SETD4: variants seen among roughly 807,000 people sequenced by gnomAD.
SETD4 encodes SET domain containing 4.
In SETD4, 46 loss-of-function variants were observed where a neutral mutation model predicts 58.3. That is an observed-to-expected ratio of 0.79 (90% confidence interval 0.62 to 1.01). The LOEUF (loss-of-function observed/expected upper bound fraction) is 1.01, where lower values mean the gene tolerates loss of function less well. Ranked by LOEUF, SETD4 falls within the 50% of genes least tolerant of loss-of-function variation. The probability of loss-of-function intolerance (pLI) is 0.00; values close to 1 mark genes in which losing one functional copy is unlikely to be tolerated. For missense variants in SETD4, 490 were observed against 523.3 expected (o/e 0.94, Z 0.62); for synonymous variants, 190 against 202.6 (o/e 0.94, Z 0.53).
rs2065120741 is a variant in SETD4 at position 36,058,731 on chromosome 21, A to C, written c.73+85T>G. ...AGAATCCGTCTCAGAAAAAAGAAAGAAAGAAAGAAAAGCTACGTATGAACA... is the reference window on the plus strand; with the variant it reads ...AGAATCCGTCTCAGAAAAAAGAAAGCAAGAAAGAAAAGCTACGTATGAACA... On this transcript the variant is annotated intron_variant, in intron 2 of 11. Coordinates refer to ENST00000332131, the MANE Select transcript of SETD4 (RefSeq NM_017438.5). 18 of 1,433,560 alleles carry C rather than the reference A, an allele frequency of 1.3e-5. No individual in the cohort carries two copies. The East Asian group carries it at 4.4e-4, about 35-fold the overall frequency. The allele number at this position is 1,433,560 out of a possible 1,614,324, so 88.8% of individuals were successfully genotyped here.
intron 6 of SETD4, among the ~76,000 whole-genome samples, chr21:36,045,325 C>T (rs762237751): frequency 1.5e-4 from 23 of 152,264 alleles, no homozygotes; most frequent in Non-Finnish European, 3.2e-4. Context: ...TGGGAAAGAC[C>T]GGACAGAGGA....
At chr21:36,050,646 A>G in intron 4 of SETD4, 2 of 1,607,316 alleles carry the variant, frequency 1.2e-6, no homozygotes, top group Middle Eastern at 1.7e-4. Flanking sequence ...TTTTGCTAAA[A>G]TGATTGATGA....
At chr21:36,054,020 G>A (rs952684646) in intron 3 of SETD4, among the ~76,000 whole-genome samples, 15 of 152,136 alleles carry the variant, frequency 9.9e-5, no homozygotes, top group African/African-American at 3.6e-4. Flanking sequence ...ACCAGACTCA[G>A]CTCTCCCAAG....
At chr21:36,041,987 C>G in intron 7 of SETD4, 99 bp from the exon 8 acceptor site, 1 of 618,040 alleles carries the variant, frequency 1.6e-6, no homozygotes, top group Non-Finnish European at 2.8e-6. Flanking sequence ...TTTAGCAACC[C>G]AGACATGCAT....
chr21:36,056,853 T>C (rs376215805), intron 3 of SETD4, among the ~76,000 whole-genome samples: 5 of 152,154 alleles, frequency 3.3e-5, no homozygotes, highest in African/African-American at 1.2e-4. Flanking sequence ...CCACCACGCC[T>C]GGCAAAATGT....
At chr21:36,058,691 C>G (rs1190781858) in intron 2 of SETD4, 125 bp downstream of exon 2, 6 of 1,135,648 alleles carry the variant, frequency 5.3e-6, no homozygotes, top group Non-Finnish European at 7.4e-6. Flanking sequence ...GCACTCCAGC[C>G]TGGGTGACAG....
Position 36,048,340 on chromosome 21 carries a change from C to A in SETD4, c.264G>T (p.Val88=), listed in dbSNP as rs772448817. The A allele has an allele frequency of 3.1e-6, 5 of 1,614,116 alleles. No individual in the cohort carries two copies. Among genetic ancestry groups the A allele is most frequent in the Non-Finnish European group, 4.2e-6 (5 of 1,180,016 alleles). Residue 88 remains valine (V), a synonymous_variant, in exon 5 of 12, where the codon GTG becomes GTT. Coordinates refer to ENST00000332131, the MANE Select transcript of SETD4 (RefSeq NM_017438.5). The part of the protein sequence containing the change: ...PESCLLTTDT[V]IRSYLGAYIT... ...TGTATGCCCCTAAGTAGCTTCGAAT[C>A]ACTGTGTCCGTGGTGAGCAGGCAAC...
At chr21:36,051,267 G>A in intron 4 of SETD4, 1 of 1,598,478 alleles carries the variant, frequency 6.3e-7, no homozygotes, top group Non-Finnish European at 8.6e-7. Flanking sequence ...TTCCAGCTCT[G>A]TTGACAGTGA....
chr21:36,036,085 C>G lies in SETD4; in HGVS notation c.*32G>C. 1 of 1,614,112 alleles carries G rather than the reference C, an allele frequency of 6.2e-7. No homozygotes were observed. Among genetic ancestry groups the G allele is most frequent in the Middle Eastern group, 1.6e-4 (1 of 6,062 alleles). ...TCTAAAATGTGTGACTAACACCCAC[C>G]AGAGGAGGTGACCAAATGCGCTTCG... On this transcript the variant is annotated splice_region_variant and 3_prime_UTR_variant, in exon 11 of 12. Transcript: ENST00000332131.
intron 10 of SETD4, 103 bp from the exon 11 acceptor site, chr21:36,036,354 G>T: frequency 8.7e-7 from 1 of 1,149,862 alleles, no homozygotes. Context: ...TGGTTCAGCA[G>T]CATGAAGTAC....
Position 36,038,228 on chromosome 21 carries a change from C to T in SETD4, c.1110G>A (p.Thr370=), listed in dbSNP as rs752063984. ...KVLLGEVISD[T]NEKTSLDIAQ... ...CTATGTCCAAACTTGTCTTCTCATT[C>T]GTATCTGAAATTACCTCCCCAAGAA... is the stretch of plus-strand genomic sequence containing the variant. The change falls in exon 10 of 12, where the codon ACG becomes ACA. Residue 370 remains threonine (T), a synonymous_variant. Coordinates refer to ENST00000332131, the MANE Select transcript of SETD4 (RefSeq NM_017438.5). 39 of 1,613,906 alleles carry T rather than the reference C, an allele frequency of 2.4e-5. No homozygotes were observed. Among genetic ancestry groups the T allele is most frequent in the Admixed American group, 2.0e-4 (12 of 59,978 alleles).
At chr21:36,058,787 C>T (rs1396249614) in intron 2 of SETD4, 29 bp downstream of exon 2, 1 of 1,564,782 alleles carries the variant, frequency 6.4e-7, no homozygotes, top group East Asian at 2.3e-5. Context: ...TTTCTTTTTT[C>T]ATTACTGGTA....
chr21:36,053,498 A>G, intron 4 of SETD4, 85 bp downstream of exon 4: 2 of 1,375,724 alleles, frequency 1.5e-6, no homozygotes, highest in Non-Finnish European at 2.1e-6. Flanking sequence ...TATGTCTGAA[A>G]TTTTTTTAAT....
At chr21:36,037,451 A>C (rs1568898528) in intron 10 of SETD4, among the ~76,000 whole-genome samples, 1 of 151,844 alleles carries the variant, frequency 6.6e-6, no homozygotes, top group Non-Finnish European at 1.5e-5. Context: ...CTAAAAATAC[A>C]AAAATTAGCC....
At position 36,045,978 on chromosome 21, in the gene SETD4, C is replaced by T; in HGVS notation, c.330G>A (p.Leu110=). 6.2e-7 allele frequency: 1 copy of T among 1,613,962 alleles called. No individual in the cohort carries two copies. The highest frequency in any genetic ancestry group is 8.5e-7 in the Non-Finnish European group (1 of 1,179,990). The change falls in exon 6 of 12, where the codon CTG becomes CTA. Residue 110 remains leucine (L), a synonymous_variant. Transcript: ENST00000332131. The stretch of plus-strand genomic sequence containing the variant: ...GCTTTTCTGAAACTAAAAAGGTGCA[C>T]AGCGCCAGCAGAGGAGATGGAGGAG... The part of the protein sequence containing the change: ...WKPPPSPLLA[L]CTFLVSEKHA...
In SETD4 at chr21:36,038,176, C is replaced by A; in HGVS notation, c.1162G>T (p.Glu388Ter). 1 of 1,613,810 alleles carries A rather than the reference C, an allele frequency of 6.2e-7. No homozygotes were observed. Residue 388 changes from glutamate to a stop codon, truncating the protein, a stop_gained, in exon 10 of 12, where the codon GAA (glutamate) becomes TAA (stop). Coordinates refer to ENST00000332131, the MANE Select transcript of SETD4 (RefSeq NM_017438.5). LOFTEE classifies it high-confidence loss of function. Reference protein sequence around the residue: ...IAQKICYYFIEETNAVLQKVS... With the variant: ...IAQKICYYFI The stretch of plus-strand genomic sequence containing the variant: ...TTTTGAAGCACAGCATTAGTCTCTT[C>A]TATGAAATAATAGCATATTTTCTGG...
chr21:36,052,318 G>A (rs1322909693), intron 4 of SETD4, among the ~76,000 whole-genome samples: 16 of 151,722 alleles, frequency 1.1e-4, no homozygotes, highest in East Asian at 5.8e-4. Context: ...AGGCCAAGGC[G>A]GGCAGATCAC....
intron 4 of SETD4, chr21:36,050,640 G>C (rs2064625410): frequency 1.2e-6 from 2 of 1,609,096 alleles, no homozygotes; most frequent in African/African-American, 1.3e-5. Flanking sequence ...TGAAAATTTT[G>C]CTAAAATGAT....
chr21:36,053,464 T>C (rs1440045359), intron 4 of SETD4, 119 bp downstream of exon 4: 1 of 968,644 alleles, frequency 1.0e-6, no homozygotes, highest in East Asian at 2.4e-5. Flanking sequence ...CAAATATATC[T>C]ATTAGGTAAG....
Sources: gnomAD v4.1 joint callset for allele counts (sites outside exome capture counted in the v4.1 genomes callset) on GRCh38, gnomAD v4.1.1 for gene constraint, MANE v1.5 for transcripts, NCBI Gene and HGNC (gene_info 2026-07-23, HGNC 2026-07-21) for gene names.